NFAM1: variants seen among roughly 807,000 people sequenced by gnomAD.
The protein encoded by NFAM1 is NFAT activating protein with ITAM motif 1, also known as NFAT activation molecule 1.
A neutral mutation model predicts 29.0 loss-of-function variants in NFAM1; 17 were observed. The observed-to-expected ratio is 0.59, with a 90% CI of 0.40 to 0.88. The LOEUF (loss-of-function observed/expected upper bound fraction) is 0.88. Ranked by LOEUF, NFAM1 falls within the 40% of genes least tolerant of loss-of-function variation. The probability of loss-of-function intolerance (pLI) is 0.00; values close to 1 mark genes in which losing one functional copy is unlikely to be tolerated. For missense variants in NFAM1, 324 were observed against 344.6 expected (o/e 0.94, Z 0.47); for synonymous variants, 175 against 147.2 (o/e 1.19, Z -1.36).
intron 1 of NFAM1, among the ~76,000 whole-genome samples, chr22:42,421,529 C>T (rs989099339): frequency 1.3e-5 from 2 of 152,016 alleles, no homozygotes; most frequent in Admixed American, 6.6e-5. Flanking sequence ...AATCTGCCAC[C>T]CACAATCTCC....
chr22:42,421,758 T>C (rs1417936922), intron 1 of NFAM1, among the ~76,000 whole-genome samples: 1 of 152,224 alleles, frequency 6.6e-6, no homozygotes, highest in East Asian at 1.9e-4. Flanking sequence ...ATTCCCCAGG[T>C]ACAGAAGAAA....
chr22:42,431,334 A>G (rs1930790153), intron 1 of NFAM1, among the ~76,000 whole-genome samples: 1 of 152,206 alleles, frequency 6.6e-6, no homozygotes, highest in Non-Finnish European at 1.5e-5. Context: ...GAGGGGGTGC[A>G]GCAGGACAGG....
chr22:42,436,676 C>T (rs1930948190), upstream of NFAM1, among the ~76,000 whole-genome samples: 1 of 152,252 alleles, frequency 6.6e-6, no homozygotes, highest in African/African-American at 2.4e-5. Context: ...TGATGCCAGA[C>T]ACAGTTCTAA....
upstream of NFAM1, among the ~76,000 whole-genome samples, chr22:42,432,979 G>A (rs188923556): frequency 2.3e-4 from 35 of 152,160 alleles, no homozygotes; most frequent in Admixed American, 1.9e-3. Context: ...CCCAGGAGAC[G>A]CCTCCTCTCT....
At chr22:42,389,513 T>C (rs900892375) in intron 4 of NFAM1, among the ~76,000 whole-genome samples, 1 of 151,924 alleles carries the variant, frequency 6.6e-6, no homozygotes, top group Non-Finnish European at 1.5e-5. Context: ...TTTGAGCTCC[T>C]GAACCATCCC....
intron 1 of NFAM1, among the ~76,000 whole-genome samples, chr22:42,413,640 C>T (rs1336350598): frequency 6.6e-6 from 1 of 151,942 alleles, no homozygotes; most frequent in Non-Finnish European, 1.5e-5. Context: ...AAAAAAAAAT[C>T]AGGAGCCGCG....
At chr22:42,430,351 G>A (rs1930756428) in intron 1 of NFAM1, among the ~76,000 whole-genome samples, 1 of 152,198 alleles carries the variant, frequency 6.6e-6, no homozygotes, top group African/African-American at 2.4e-5. Context: ...CCTGCGGTCA[G>A]GAGTTCAAGA....
intron 1 of NFAM1, among the ~76,000 whole-genome samples, chr22:42,431,328 G>A (rs993294370): frequency 1.1e-4 from 16 of 152,152 alleles, no homozygotes; most frequent in Non-Finnish European, 1.9e-4. Flanking sequence ...TCATGAGAGG[G>A]GGTGCAGCAG....
chr22:42,415,501 G>A (rs1287235767), intron 1 of NFAM1, among the ~76,000 whole-genome samples: 6 of 151,882 alleles, frequency 4.0e-5, no homozygotes, highest in Admixed American at 1.3e-4. Context: ...GGGTTTCACC[G>A]TGTTAGCCAG....
At chr22:42,427,552 A>G (rs1416902383) in intron 1 of NFAM1, among the ~76,000 whole-genome samples, 4 of 152,182 alleles carry the variant, frequency 2.6e-5, no homozygotes, top group African/African-American at 7.2e-5. Context: ...TGATTTTTTC[A>G]ACCACTTAAA....
At chr22:42,387,124 G>T (rs11913215) in intron 4 of NFAM1, 46 bp from the exon 5 acceptor site, 60,627 of 1,123,652 alleles carry the variant, frequency 0.054, 2,130 homozygotes, top group African/African-American at 0.14. Flanking sequence ...GTGTAGAGGG[G>T]CAGTCCCTGG....
upstream of NFAM1, chr22:42,436,957 T>C: frequency 3.1e-6 from 3 of 958,034 alleles, no homozygotes; most frequent in Non-Finnish European, 3.7e-6. Context: ...GTGACTCACC[T>C]GCTTGAGGTC....
chr22:42,425,296 C>T (rs1328127039), intron 1 of NFAM1, among the ~76,000 whole-genome samples: 1 of 152,168 alleles, frequency 6.6e-6, no homozygotes, highest in Non-Finnish European at 1.5e-5. Flanking sequence ...AACCCTGCCT[C>T]GCATTAGTGA....
chr22:42,432,380 C>T lies in NFAM1; in HGVS notation c.-23G>A, dbSNP rs574599283. Reference sequence around the variant, plus strand: ...CATCTGGGGGCCTGCTTGTCTGCGGCGACTCTTTAGTTCACAGGAGGGGAC... The same window carrying T: ...CATCTGGGGGCCTGCTTGTCTGCGGTGACTCTTTAGTTCACAGGAGGGGAC... On this transcript the variant is annotated 5_prime_UTR_variant, in exon 1 of 6. Transcript: ENST00000329021. 65 of 1,547,544 alleles carry T rather than the reference C, an allele frequency of 4.2e-5. 1 individual carries two copies. The South Asian group carries it at 4.3e-4, about 10-fold the overall frequency.
Position 42,409,252 on chromosome 22 carries a change from G to A in NFAM1, c.564+183C>T, listed in dbSNP as rs1929999547. Among the ~76,000 whole-genome samples, 1 of 152,222 alleles carries A rather than the reference G, an allele frequency of 6.6e-6. No individual in the cohort carries two copies. The highest frequency in any genetic ancestry group is 1.5e-5 in the Non-Finnish European group (1 of 68,038). ...CAACAAGATCAAAAGGCACCCCATGGCAGCACAGGGAGTGGCACAGGAGGG... is the reference window on the plus strand; with the variant it reads ...CAACAAGATCAAAAGGCACCCCATGACAGCACAGGGAGTGGCACAGGAGGG... On this transcript the variant is annotated intron_variant, in intron 3 of 5. Coordinates refer to ENST00000329021, the MANE Select transcript of NFAM1 (RefSeq NM_145912.8). The surrounding 1 kb of genome is among the most constrained non-coding windows in gnomAD (Gnocchi z 4.9).
chr22:42,424,137 T>A (rs538546596), intron 1 of NFAM1, among the ~76,000 whole-genome samples: 1 of 147,890 alleles, frequency 6.8e-6, no homozygotes, highest in Admixed American at 6.8e-5. Context: ...AACACATGGC[T>A]GGGCGCGGTG....
At chr22:42,399,507 G>A (rs1021557772) in intron 3 of NFAM1, among the ~76,000 whole-genome samples, 2 of 151,900 alleles carry the variant, frequency 1.3e-5, no homozygotes, top group Admixed American at 6.6e-5. Flanking sequence ...TCAGTGTGTG[G>A]CCCGAGAGAG....
intron 1 of NFAM1, among the ~76,000 whole-genome samples, chr22:42,425,518 C>T (rs1930594821): frequency 6.6e-6 from 1 of 152,134 alleles, no homozygotes; most frequent in Non-Finnish European, 1.5e-5. Context: ...TCCTCCCCTC[C>T]TTACCCTTCC....
intron 5 of NFAM1, among the ~76,000 whole-genome samples, chr22:42,385,494 G>T (rs560310508): frequency 9.8e-4 from 148 of 151,520 alleles, no homozygotes; most frequent in African/African-American, 3.5e-3. Flanking sequence ...TCTGCCCTAT[G>T]TGTGGGATGC....
Sources: allele counts gnomAD v4.1 joint callset (sites outside exome capture counted in the v4.1 genomes callset), GRCh38; gene constraint gnomAD v4.1.1; non-coding constraint Gnocchi (gnomAD v3.1); transcripts MANE v1.5; gene names NCBI Gene and HGNC (gene_info 2026-07-23, HGNC 2026-07-21).